The following NOS1 variants were observed in gnomAD, a reference collection of about 807,000 sequenced individuals.
NOS1 encodes the protein nitric oxide synthase 1, also known as NOS type I.
NOS1 carries 51 observed loss-of-function variants against 164.5 expected under a neutral mutation model. The ratio of observed to expected loss-of-function variants is 0.31; its 90% CI spans 0.25 to 0.39. The LOEUF (loss-of-function observed/expected upper bound fraction) is 0.39. Among genes scored for constraint, NOS1 ranks in the 10% least tolerant of loss-of-function variants. NOS1 has a pLI of 1.00. For synonymous variants in NOS1, 719 were observed against 745.8 expected (o/e 0.96, Z 0.59); for missense variants, 1,362 against 1,885.6 (o/e 0.72, Z 5.14).
At chr12:117,295,037 C>G (rs1479852450) in intron 3 of NOS1, among the ~76,000 whole-genome samples, 1 of 152,220 alleles carries the variant, frequency 6.6e-6, no homozygotes, top group Non-Finnish European at 1.5e-5. Context: ...CTTCCAAGGA[C>G]TGCTGAAGCT....
Position 117,255,481 on chromosome 12 carries a change from T to A in NOS1, c.2532-1727A>T, listed in dbSNP as rs78973603. On this transcript the variant is annotated intron_variant, in intron 16 of 28. Transcript: ENST00000317775. The stretch of plus-strand genomic sequence containing the variant: ...TTCTAAGCTGGATGTTCTTTAAAGT[T>A]TTCGCTCCAGCATCAGGAAAGTTCT... Among the ~76,000 whole-genome samples the A allele has an allele frequency of 5.8e-4, 88 of 152,352 alleles. No individual in the cohort carries two copies. The East Asian group carries it at 0.016, about 28-fold the overall frequency.
intron 7 of NOS1, 58 bp from the exon 8 acceptor site, chr12:117,280,924 T>A: frequency 6.3e-7 from 1 of 1,578,808 alleles, no homozygotes; most frequent in East Asian, 2.3e-5. Flanking sequence ...TGTGGGAACA[T>A]ACTAAACATG....
In NOS1 at chr12:117,282,926, A is replaced by G. The variant is rs191397382; in HGVS notation, c.1383-2060T>C. Among the ~76,000 whole-genome samples, 61 of 152,132 alleles carry G rather than the reference A, an allele frequency of 4.0e-4. No individual in the cohort carries two copies. The East Asian group carries it at 9.1e-3, about 23-fold the overall frequency. ...GACCAACAGAGGAACCAGAACACAC[A>G]TCTATACCTGTACTCTCCTGCTTCC... On this transcript the variant is annotated intron_variant, in intron 7 of 28. Coordinates refer to ENST00000317775, the MANE Select transcript of NOS1 (RefSeq NM_000620.5).
chr12:117,318,753 G>A (rs1321754519), intron 2 of NOS1, among the ~76,000 whole-genome samples: 3 of 152,208 alleles, frequency 2.0e-5, no homozygotes, highest in South Asian at 2.1e-4. Flanking sequence ...ACAGGGAGGC[G>A]GGGGCTGCTG....
rs1214946978 is a variant in NOS1 at position 117,332,288 on chromosome 12, G to C, written c.-420-799C>G. On this transcript the variant is annotated intron_variant, in intron 1 of 28. Coordinates refer to ENST00000317775, the MANE Select transcript of NOS1 (RefSeq NM_000620.5). ...AACACATATTTGTTATTTCTCCTTT[G>C]ATCCTCACGATAACCCCTCAAGAGA... Among the ~76,000 whole-genome samples the C allele has an allele frequency of 2.6e-5, 4 of 152,138 alleles. No homozygotes were observed. In the East Asian group the frequency reaches 7.7e-4, roughly 29 times the overall value.
rs1877159991 is a variant in NOS1, at chr12:117,361,547, C to G, written c.-456G>C. 6.6e-6 allele frequency: 1 copy of G among 152,028 alleles called. No individual in the cohort carries two copies. Among genetic ancestry groups the G allele is most frequent in the Admixed American group, 6.6e-5 (1 of 15,266 alleles). 9.4% of individuals were successfully genotyped at this position (152,028 alleles called of 1,614,324 possible). A position where few individuals can be genotyped will look rare whatever the true frequency, so the allele number is the denominator to read the frequency against. On this transcript the variant is annotated 5_prime_UTR_variant, in exon 1 of 29. Coordinates refer to ENST00000317775, the MANE Select transcript of NOS1 (RefSeq NM_000620.5). ...CGGCCGCTGCTCGCTGCCCGGCCGCCCCTCGGAGGAGCCGCGGCGCTAAGT... is the reference window on the plus strand; with the variant it reads ...CGGCCGCTGCTCGCTGCCCGGCCGCGCCTCGGAGGAGCCGCGGCGCTAAGT...
intron 21 of NOS1, among the ~76,000 whole-genome samples, chr12:117,233,809 A>G (rs543979493): frequency 3.3e-4 from 31 of 92,892 alleles, no homozygotes; most frequent in African/African-American, 1.5e-3. Context: ...AGTCTGTCTC[A>G]AAAAAAAAAA....
At chr12:117,265,700 T>C (rs1206354173) in intron 11 of NOS1, among the ~76,000 whole-genome samples, 190 bp from the exon 12 acceptor site, 1 of 152,206 alleles carries the variant, frequency 6.6e-6, no homozygotes, top group Non-Finnish European at 1.5e-5. Flanking sequence ...AAAGTCTTCG[T>C]TGGGTGCTAT....
intron 24 of NOS1, among the ~76,000 whole-genome samples, chr12:117,226,237 A>G (rs1169812901): frequency 2.6e-5 from 4 of 152,210 alleles, no homozygotes; most frequent in African/African-American, 4.8e-5. Context: ...TAACTGGTCT[A>G]AGATCAGCTA....
intron 17 of NOS1, among the ~76,000 whole-genome samples, chr12:117,249,266 A>G (rs899451431): frequency 6.6e-6 from 1 of 152,148 alleles, no homozygotes; most frequent in African/African-American, 2.4e-5. Context: ...GGGCACTTGA[A>G]ACCTAAGGGC....
At chr12:117,258,344 T>C (rs1871627221) in intron 16 of NOS1, 53 bp downstream of exon 16, 2 of 1,587,444 alleles carry the variant, frequency 1.3e-6, no homozygotes, top group South Asian at 2.2e-5. Flanking sequence ...CAAAAGTCAA[T>C]GTCCAGTTAC....
At chr12:117,360,304 G>T (rs117506057) in intron 1 of NOS1, among the ~76,000 whole-genome samples, 1 of 152,042 alleles carries the variant, frequency 6.6e-6, no homozygotes, top group Non-Finnish European at 1.5e-5. Context: ...GCGCAGTCCC[G>T]AGAGAGCCCC....
chr12:117,222,955 C>G, intron 25 of NOS1, 92 bp from the exon 26 acceptor site: 1 of 1,436,552 alleles, frequency 7.0e-7, no homozygotes, highest in Non-Finnish European at 9.5e-7. Flanking sequence ...GAGACCTTAG[C>G]GTGTGCCATG....
intron 28 of NOS1, 89 bp downstream of exon 28, chr12:117,217,957 C>A: frequency 1.1e-6 from 1 of 949,692 alleles, no homozygotes; most frequent in Non-Finnish European, 1.7e-6. Context: ...TTTGGGGACC[C>A]TGCCGTGGGA....
intron 24 of NOS1, 110 bp from the exon 25 acceptor site, chr12:117,225,247 T>G (rs765455127): frequency 2.9e-5 from 41 of 1,406,228 alleles, no homozygotes; most frequent in Non-Finnish European, 3.4e-5. Context: ...CAATGAGACT[T>G]AAGGCTCTTC....
rs1592911403 is a variant in NOS1, at chr12:117,209,076, C to T, written c.*6233G>A. 3.0e-6 allele frequency: 3 copies of T among 985,278 alleles called. No individual in the cohort carries two copies. Among genetic ancestry groups the T allele is most frequent in the Non-Finnish European group, 3.6e-6 (3 of 829,928 alleles). 61.0% of individuals were successfully genotyped at this position (985,278 alleles called of 1,614,324 possible). Reference sequence around the variant, plus strand: ...CTCCCCATGCCCCCTCCCCCGGACACCCTCAAATCCCACTTTGGCAGCAGA... The same window carrying T: ...CTCCCCATGCCCCCTCCCCCGGACATCCTCAAATCCCACTTTGGCAGCAGA... On this transcript the variant is annotated 3_prime_UTR_variant, in exon 29 of 29. Transcript: ENST00000317775.
rs920770758 is a variant in NOS1, at chr12:117,215,129, A to T, written c.*180T>A. 27 of 1,306,348 alleles carry T rather than the reference A, an allele frequency of 2.1e-5. No individual in the cohort carries two copies. The highest frequency in any genetic ancestry group is 3.2e-5 in the Admixed American group (1 of 31,420). The allele number at this position is 1,306,348 out of a possible 1,614,324, so 80.9% of individuals were successfully genotyped here. ...CATTGCATCGCAGCAGGAAAACTCA[A>T]GGAGTAAACCCAGGAGGGCCGAGGA... On this transcript the variant is annotated 3_prime_UTR_variant, in exon 29 of 29. Transcript: ENST00000317775.
In NOS1 at chr12:117,234,726, T is replaced by G. The variant is rs1211066641; in HGVS notation, c.3074A>C (p.Asn1025Thr). Reference protein sequence around the residue: ...RSTIFVRLHTNGSQELQYQPG... With the variant: ...RSTIFVRLHTTGSQELQYQPG... Reference sequence around the variant, plus strand: ...CTGGTACTGCAGCTCCTGGCTCCCGTTGGTGTGGAGACGCACGAAGATAGT... The same window carrying G: ...CTGGTACTGCAGCTCCTGGCTCCCGGTGGTGTGGAGACGCACGAAGATAGT... Residue 1025 changes from asparagine (N) to threonine (T), a missense_variant, in exon 21 of 29, where the codon AAC (asparagine) becomes ACC (threonine). Around this residue, in one of 4 missense-constraint regions of NOS1, gnomAD observed 737 missense variants for 1,030.3 expected, o/e 0.72. Coordinates refer to ENST00000317775, the MANE Select transcript of NOS1 (RefSeq NM_000620.5). This position sits in a 1 kb window ranked among gnomAD's most constrained non-coding sequence, Gnocchi z 4.3. 1.9e-6 allele frequency: 3 copies of G among 1,613,386 alleles called. No homozygotes were observed. In the South Asian group the frequency reaches 3.3e-5, roughly 18 times the overall value.
intron 22 of NOS1, among the ~76,000 whole-genome samples, chr12:117,229,050 G>T (rs1385711531): frequency 6.6e-6 from 1 of 152,162 alleles, no homozygotes; most frequent in Non-Finnish European, 1.5e-5. Flanking sequence ...CAAAGTGCTG[G>T]GATTATAGGC....
Sources: gnomAD v4.1 joint callset for allele counts (sites outside exome capture counted in the v4.1 genomes callset) on GRCh38, gnomAD v4.1.1 for gene constraint, gnomAD v4.1.1 regional missense constraint, Gnocchi (gnomAD v3.1) non-coding constraint, MANE v1.5 for transcripts, NCBI Gene and HGNC (gene_info 2026-07-23, HGNC 2026-07-21) for gene names.